Variants in NRF1 observed in about 807,000 individuals in gnomAD.
NRF1 encodes the protein alpha palindromic-binding protein.
Under a neutral mutation model 58.5 loss-of-function variants are expected in NRF1, and 5 were observed. The ratio of observed to expected loss-of-function variants is 0.09; its 90% CI spans 0.04 to 0.18. NRF1 has a LOEUF of 0.18. Ranked by LOEUF, NRF1 falls within the 10% of genes least tolerant of loss-of-function variation. The pLI, the probability that NRF1 is intolerant of heterozygous loss-of-function variation, is 1.00. For synonymous variants in NRF1, 224 were observed against 246.7 expected, an observed-to-expected ratio of 0.91 and a Z score of 0.86; for missense variants, 288 against 657.7, an observed-to-expected ratio of 0.44 and a Z score of 6.15.
chr7:129,710,614 G>A (rs558268558), intron 7 of NRF1, 43 bp downstream of exon 7: 2 of 997,830 alleles, frequency 2.0e-6, no homozygotes, highest in Admixed American at 3.4e-5. Context: ...TTCTGAGATG[G>A]ATCAGTGGGC....
At chr7:129,664,130 AAGGGGG>A (rs1020590787) in intron 2 of NRF1, among the ~76,000 whole-genome samples, 5 of 146,204 alleles carry the variant, frequency 3.4e-5, no homozygotes, top group African/African-American at 9.9e-5. Flanking sequence ...GGAGACGGGA[AAGGGGG>A]AGGGGGAGGG....
At chr7:129,667,110 A>T (rs1801940475) in intron 2 of NRF1, among the ~76,000 whole-genome samples, 4 of 152,356 alleles carry the variant, frequency 2.6e-5, no homozygotes, top group East Asian at 3.9e-4. Flanking sequence ...AGATATACCC[A>T]GGAGGGGAAT....
chr7:129,624,149 C>T (rs1800865056), intron 1 of NRF1, among the ~76,000 whole-genome samples: 2 of 152,184 alleles, frequency 1.3e-5, no homozygotes, highest in Non-Finnish European at 2.9e-5. Flanking sequence ...GATTCACCCC[C>T]AGATACCAAA....
intron 9 of NRF1, among the ~76,000 whole-genome samples, chr7:129,718,309 A>C (rs1196754764): frequency 6.6e-6 from 1 of 152,214 alleles, no homozygotes; most frequent in Non-Finnish European, 1.5e-5. Context: ...GCTGTTTGGC[A>C]TCGAGCAGTT....
chr7:129,675,427 A>G (rs2151085440), intron 3 of NRF1, among the ~76,000 whole-genome samples: 1 of 152,346 alleles, frequency 6.6e-6, no homozygotes, highest in South Asian at 2.1e-4. Context: ...TCCGTTCTAG[A>G]AGGTTTTCAA....
chr7:129,709,030 C>T (rs754411953), intron 5 of NRF1, 45 bp from the exon 6 acceptor site: 1 of 1,382,238 alleles, frequency 7.2e-7, no homozygotes, highest in Non-Finnish European at 9.5e-7. Context: ...AAACACACCC[C>T]AGATGTCTTT....
intron 1 of NRF1, among the ~76,000 whole-genome samples, chr7:129,635,950 C>A (rs1271456445): frequency 6.6e-6 from 1 of 151,748 alleles, no homozygotes; most frequent in Non-Finnish European, 1.5e-5. Context: ...TCCTAAAGTC[C>A]TTCTTTAGAT....
At chr7:129,659,142 A>G (rs1288831748) in intron 2 of NRF1, among the ~76,000 whole-genome samples, 1 of 135,962 alleles carries the variant, frequency 7.4e-6, no homozygotes, top group Non-Finnish European at 1.5e-5. Flanking sequence ...GCAGTGGCAC[A>G]ATCTTGGCTC....
chr7:129,633,434 T>C (rs1366406299), intron 1 of NRF1: 1 of 152,246 alleles, frequency 6.6e-6, no homozygotes, highest in Non-Finnish European at 1.5e-5. Context: ...TTGTGACTTC[T>C]TTTGTTCTAG....
intron 1 of NRF1, among the ~76,000 whole-genome samples, chr7:129,630,431 G>A (rs763186056): frequency 1.2e-4 from 19 of 152,066 alleles, no homozygotes; most frequent in Non-Finnish European, 2.1e-4. Flanking sequence ...AACTAGGATG[G>A]ATCTGATCTG....
At chr7:129,622,492 A>G (rs1418803678) in intron 1 of NRF1, among the ~76,000 whole-genome samples, 1 of 152,198 alleles carries the variant, frequency 6.6e-6, no homozygotes, top group Non-Finnish European at 1.5e-5. Flanking sequence ...GTAGAAAAAC[A>G]GAAGAAAATT....
rs1269424024 is a variant in NRF1, at chr7:129,701,045, A to G, written c.607-8030A>G. ...ATTCAGAAATACTAAAGAGAAGAAA[A>G]TAGCCATATAAATTACTTACATAGG... On this transcript the variant is annotated intron_variant, in intron 5 of 10. Coordinates refer to ENST00000393232, the MANE Select transcript of NRF1 (RefSeq NM_005011.5). 2.6e-5 allele frequency among the ~76,000 whole-genome samples: 4 copies of G among 152,236 alleles called. No homozygotes were observed. In the East Asian group the frequency reaches 7.7e-4, roughly 29 times the overall value.
rs910561482 is a variant in NRF1 at position 129,628,291 on chromosome 7, G to A, written c.-7+16467G>A. 5.3e-5 allele frequency among the ~76,000 whole-genome samples: 8 copies of A among 151,160 alleles called. No homozygotes were observed. The East Asian group carries it at 1.4e-3, about 26-fold the overall frequency. On this transcript the variant is annotated intron_variant, in intron 1 of 10. Transcript: ENST00000393232. Reference sequence around the variant, plus strand: ...AATCTCCTGACCTCGTGATCTGCCCGTCTCGGTGGTTCTTAATCTTTGCTC... The same window carrying A: ...AATCTCCTGACCTCGTGATCTGCCCATCTCGGTGGTTCTTAATCTTTGCTC...
At chr7:129,678,765 T>C (rs1037020963) in intron 4 of NRF1, among the ~76,000 whole-genome samples, 7 of 152,168 alleles carry the variant, frequency 4.6e-5, no homozygotes, top group Non-Finnish European at 1.0e-4. Flanking sequence ...ACAATACTAC[T>C]ACTGGTAGTA....
At chr7:129,729,972 T>C (rs1433482206) in intron 10 of NRF1, among the ~76,000 whole-genome samples, 2 of 152,142 alleles carry the variant, frequency 1.3e-5, no homozygotes, top group Non-Finnish European at 2.9e-5. Context: ...CCCGAGTAGC[T>C]GGGATTATAG....
At chr7:129,658,190 G>T (rs1416469179) in intron 2 of NRF1, among the ~76,000 whole-genome samples, 2 of 152,080 alleles carry the variant, frequency 1.3e-5, no homozygotes, top group African/African-American at 4.8e-5. Context: ...CTTTTGTAGT[G>T]ATTGAAAATT....
chr7:129,645,659 A>C (rs540672130), intron 1 of NRF1, among the ~76,000 whole-genome samples: 1 of 152,166 alleles, frequency 6.6e-6, no homozygotes, highest in East Asian at 1.9e-4. Flanking sequence ...TCTGTTTGTC[A>C]GTGTTATTTC....
At chr7:129,631,279 A>T (rs991039053) in intron 1 of NRF1, among the ~76,000 whole-genome samples, 3 of 150,270 alleles carry the variant, frequency 2.0e-5, no homozygotes, top group African/African-American at 7.4e-5. Flanking sequence ...TGTTACCCTG[A>T]TGTGATCACT....
chr7:129,719,497 A>AACACACACACACACAC (rs67443980), intron 9 of NRF1, among the ~76,000 whole-genome samples: 2,575 of 141,876 alleles, frequency 0.018, 50 homozygotes, highest in Non-Finnish European at 0.025. Context: ...AGGAAACTGA[A>AACACACACACACACAC]ACACACACAC....
Sources: gnomAD v4.1 joint callset for allele counts (sites outside exome capture counted in the v4.1 genomes callset) on GRCh38, gnomAD v4.1.1 for gene constraint, MANE v1.5 for transcripts, NCBI Gene and HGNC (gene_info 2026-07-23, HGNC 2026-07-21) for gene names.